NCKAP5: variants seen among roughly 807,000 people sequenced by gnomAD.
NCKAP5 encodes the protein nck-associated protein 5.
NCKAP5 carries 92 observed loss-of-function variants against 167.0 expected under a neutral mutation model. That is an observed-to-expected ratio of 0.55 (90% CI 0.47 to 0.66). The LOEUF is 0.66. NCKAP5 is among the 30% of genes least tolerant of loss of function. The probability of loss-of-function intolerance (pLI) is 0.00; values close to 1 mark genes in which losing one functional copy is unlikely to be tolerated. For synonymous variants in NCKAP5, 891 were observed against 877.4 expected (o/e 1.02, Z -0.27); for missense variants, 2,378 against 2,315.0 (o/e 1.03, Z -0.56).
At chr2:133,656,740 G>A in the NCKAP5 span, among the ~76,000 whole-genome samples, 1 of 152,084 alleles carries the variant, frequency 6.6e-6, no homozygotes, top group Non-Finnish European at 1.5e-5. Context: ...CATTAGTTGG[G>A]ATTCTATAAA....
chr2:133,305,839 G>A (rs972865159), intron 3 of NCKAP5, among the ~76,000 whole-genome samples: 3 of 151,960 alleles, frequency 2.0e-5, no homozygotes, highest in African/African-American at 7.2e-5. Context: ...TTTTCTCTAT[G>A]GCATTCTTAC....
intron 6 of NCKAP5, among the ~76,000 whole-genome samples, chr2:133,089,639 T>C (rs1311254232): frequency 3.9e-5 from 6 of 152,216 alleles, no homozygotes; most frequent in Non-Finnish European, 7.3e-5. Flanking sequence ...ATTGAAACTA[T>C]GGAAAACATA....
intron 3 of NCKAP5, among the ~76,000 whole-genome samples, chr2:133,468,264 A>T (rs1692754655): frequency 7.1e-6 from 1 of 141,134 alleles, no homozygotes; most frequent in Non-Finnish European, 1.5e-5. Context: ...TCATTTCGTT[A>T]TGTACCCAGT....
chr2:132,895,816 C>CAA (rs59012786), intron 8 of NCKAP5, among the ~76,000 whole-genome samples: 100 of 105,156 alleles, frequency 9.5e-4, no homozygotes, highest in South Asian at 1.3e-3. Flanking sequence ...GAGAAGGACT[C>CAA]AAAAAAAAAA....
the NCKAP5 span, among the ~76,000 whole-genome samples, chr2:133,624,111 C>T: frequency 5.3e-5 from 8 of 151,672 alleles, no homozygotes; most frequent in African/African-American, 1.2e-4. Context: ...AATGATACAT[C>T]GGATTTTGGG....
At chr2:132,920,043 C>T (rs918658048) in intron 8 of NCKAP5, among the ~76,000 whole-genome samples, 1 of 152,178 alleles carries the variant, frequency 6.6e-6, no homozygotes, top group Non-Finnish European at 1.5e-5. Flanking sequence ...TTCATGGTTC[C>T]TTGGCTACTG....
At chr2:133,606,807 G>A in the NCKAP5 span, among the ~76,000 whole-genome samples, 1 of 151,540 alleles carries the variant, frequency 6.6e-6, no homozygotes, top group Admixed American at 6.6e-5. Flanking sequence ...CCACAAGTGT[G>A]AATCTGCCCA....
intron 19 of NCKAP5, among the ~76,000 whole-genome samples, chr2:132,676,353 C>A (rs1164897137): frequency 1.5e-5 from 2 of 136,478 alleles, no homozygotes; most frequent in Admixed American, 8.0e-5. Context: ...TATTTCCCTT[C>A]CCCCAGCTTT....
intron 3 of NCKAP5, among the ~76,000 whole-genome samples, chr2:133,470,114 G>T (rs1018283482): frequency 2.0e-5 from 3 of 152,116 alleles, no homozygotes; most frequent in African/African-American, 7.2e-5. Context: ...CAGTTTTTCT[G>T]TTCTGCTTTT....
At chr2:133,349,048 A>C (rs2150805801) in intron 3 of NCKAP5, among the ~76,000 whole-genome samples, 1 of 152,230 alleles carries the variant, frequency 6.6e-6, no homozygotes, top group Non-Finnish European at 1.5e-5. Flanking sequence ...TGAGCACACA[A>C]CCCTCTCTAT....
intron 5 of NCKAP5, among the ~76,000 whole-genome samples, chr2:133,170,520 T>G (rs940526703): frequency 6.6e-6 from 1 of 152,210 alleles, no homozygotes; most frequent in Non-Finnish European, 1.5e-5. Context: ...AAGTAATCTG[T>G]CCCATGCCTT....
intron 8 of NCKAP5, among the ~76,000 whole-genome samples, chr2:132,937,008 C>A (rs902144489): frequency 6.6e-6 from 1 of 152,102 alleles, no homozygotes; most frequent in Non-Finnish European, 1.5e-5. Flanking sequence ...AAGGGAAGAG[C>A]CCCAGCAAAG....
At chr2:133,103,448 A>G (rs1295853601) in intron 6 of NCKAP5, among the ~76,000 whole-genome samples, 1 of 152,160 alleles carries the variant, frequency 6.6e-6, no homozygotes, top group Non-Finnish European at 1.5e-5. Context: ...TAAAAGAGAG[A>G]AAGCATTTTG....
rs556944311 is a variant in NCKAP5 at position 132,849,892 on chromosome 2, G to A, written c.807+10600C>T. ...CCAAGCTCTTTCTATTCCTTAATTC[G>A]GGTACATTTCCAATTTATTACCCCC... On this transcript the variant is annotated intron_variant, in intron 11 of 19. Transcript: ENST00000409261. 3.3e-5 allele frequency among the ~76,000 whole-genome samples: 5 copies of A among 152,102 alleles called. No homozygotes were observed. The South Asian group carries it at 6.2e-4, about 19-fold the overall frequency.
the NCKAP5 span, among the ~76,000 whole-genome samples, chr2:133,593,393 C>T: frequency 2.0e-5 from 3 of 150,676 alleles, no homozygotes; most frequent in Non-Finnish European, 1.5e-5. Context: ...AGCCAGCATA[C>T]ACCCTTGGAC....
At chr2:132,777,390 T>C (rs1326129795) in intron 15 of NCKAP5, among the ~76,000 whole-genome samples, 3 of 152,196 alleles carry the variant, frequency 2.0e-5, no homozygotes, top group African/African-American at 4.8e-5. Flanking sequence ...TTAAACCCAA[T>C]TTTATATCAA....
At chr2:133,621,464 AC>A in the NCKAP5 span, among the ~76,000 whole-genome samples, 1 of 152,216 alleles carries the variant, frequency 6.6e-6, no homozygotes, top group Non-Finnish European at 1.5e-5. Flanking sequence ...CCACAGGAAT[AC>A]AAAAGATTAT....
intron 3 of NCKAP5, among the ~76,000 whole-genome samples, chr2:133,428,591 A>G (rs2151116660): frequency 6.6e-6 from 1 of 152,280 alleles, no homozygotes; most frequent in East Asian, 1.9e-4. Context: ...AAGATATTCA[A>G]CTCAGAAGCC....
intron 3 of NCKAP5, among the ~76,000 whole-genome samples, chr2:133,346,071 T>C (rs1311099021): frequency 2.6e-5 from 4 of 152,214 alleles, no homozygotes; most frequent in Non-Finnish European, 5.9e-5. Flanking sequence ...ATCAATTATA[T>C]TCTAAATCTG....
Sources: gnomAD v4.1 joint callset for allele counts (sites outside exome capture counted in the v4.1 genomes callset) on GRCh38, gnomAD v4.1.1 for gene constraint, MANE v1.5 for transcripts, NCBI Gene and HGNC (gene_info 2026-07-23, HGNC 2026-07-21) for gene names.